The following SUSD1 variants were observed in gnomAD, a reference collection of about 807,000 sequenced individuals.
SUSD1 encodes the protein sushi domain containing 1.
SUSD1 carries 65 observed loss-of-function variants against 86.9 expected under a neutral mutation model. That is an observed-to-expected ratio of 0.75 (90% CI 0.61 to 0.92). The LOEUF (loss-of-function observed/expected upper bound fraction) is 0.92. Ranked by LOEUF, SUSD1 falls within the 40% of genes least tolerant of loss-of-function variation. The pLI, the probability that SUSD1 is intolerant of heterozygous loss-of-function variation, is 0.00. For missense variants in SUSD1, 850 were observed against 929.7 expected (o/e 0.91, Z 1.11); for synonymous variants, 346 against 350.0 (o/e 0.99, Z 0.13).
At position 112,075,602 on chromosome 9, in the gene SUSD1, A is replaced by G. The variant is rs1450229996; in HGVS notation, c.1753+2936T>C. On this transcript the variant is annotated intron_variant, in intron 12 of 16. Coordinates refer to ENST00000374270, the MANE Select transcript of SUSD1 (RefSeq NM_022486.5). Reference sequence around the variant, plus strand: ...AAAAAAATCCCTTTTGTAATTAGCCAGGCATGGTGGTGAGCGCCTATAGTC... The same window carrying G: ...AAAAAAATCCCTTTTGTAATTAGCCGGGCATGGTGGTGAGCGCCTATAGTC... 2.0e-5 allele frequency among the ~76,000 whole-genome samples: 3 copies of G among 152,012 alleles called. No individual in the cohort carries two copies. In the South Asian group the frequency reaches 6.2e-4, roughly 32 times the overall value.
At chr9:112,102,341 C>G in intron 8 of SUSD1, 56 bp from the exon 9 acceptor site, 2 of 876,260 alleles carry the variant, frequency 2.3e-6, no homozygotes, top group Non-Finnish European at 3.5e-6. Context: ...CAAAATGCAT[C>G]ATGGCTGAGT....
At chr9:112,134,140 G>A (rs566660985) in intron 5 of SUSD1, among the ~76,000 whole-genome samples, 1 of 152,316 alleles carries the variant, frequency 6.6e-6, no homozygotes, top group African/African-American at 2.4e-5. Context: ...TTCAGCCACT[G>A]TGGAAAGTAA....
intron 12 of SUSD1, among the ~76,000 whole-genome samples, chr9:112,069,480 A>T (rs1829154554): frequency 6.6e-6 from 1 of 152,196 alleles, no homozygotes; most frequent in African/African-American, 2.4e-5. Flanking sequence ...AGAGAGGAAA[A>T]GCCCACACAT....
intron 3 of SUSD1, among the ~76,000 whole-genome samples, chr9:112,148,256 A>G (rs948639875): frequency 2.0e-5 from 3 of 152,160 alleles, no homozygotes; most frequent in Non-Finnish European, 2.9e-5. Flanking sequence ...AAAGCCAGAG[A>G]GCAACATTAA....
chr9:112,042,131 A>G (rs1827768425), intron 15 of SUSD1, 171 bp from the exon 16 acceptor site: 3 of 1,539,958 alleles, frequency 1.9e-6, no homozygotes, highest in Non-Finnish European at 2.6e-6. Context: ...CCCTGTGGAT[A>G]TGCAGCCTCA....
At chr9:112,104,002 C>T (rs567970647) in intron 8 of SUSD1, among the ~76,000 whole-genome samples, 2 of 152,154 alleles carry the variant, frequency 1.3e-5, no homozygotes, top group South Asian at 2.1e-4. Flanking sequence ...AATGCTTCAA[C>T]GTCTGTATTT....
Position 112,119,551 on chromosome 9 carries a change from C to A in SUSD1, c.886+4706G>T, listed in dbSNP as rs2762473. On this transcript the variant is annotated intron_variant, in intron 6 of 16. Coordinates refer to ENST00000374270, the MANE Select transcript of SUSD1 (RefSeq NM_022486.5). ...AGCAGAGATGTTACCCTTCTGAGAG[C>A]GTGGAGTGAGTGAGCGTCAGCCTTA... Among the ~76,000 whole-genome samples, 32 of 152,206 alleles carry A rather than the reference C, an allele frequency of 2.1e-4. No homozygotes were observed. In the East Asian group the frequency reaches 5.2e-3, roughly 25 times the overall value.
chr9:112,109,912 T>C (rs1305646071), intron 8 of SUSD1, among the ~76,000 whole-genome samples: 1 of 152,236 alleles, frequency 6.6e-6, no homozygotes, highest in Non-Finnish European at 1.5e-5. Flanking sequence ...ATTTGTATAA[T>C]CTCATAGTTG....
chr9:112,065,741 T>C (rs1589601267), intron 12 of SUSD1, among the ~76,000 whole-genome samples: 1 of 152,292 alleles, frequency 6.6e-6, no homozygotes, highest in East Asian at 1.9e-4. Flanking sequence ...CACTTATACC[T>C]CCAGCAGCCT....
At chr9:112,165,941 AG>A (rs1428704780) in intron 1 of SUSD1, among the ~76,000 whole-genome samples, 1 of 75,938 alleles carries the variant, frequency 1.3e-5, no homozygotes, top group African/African-American at 4.9e-5. Context: ...AAAGAAAGAA[AG>A]AAGAAAGAAA....
chr9:112,132,096 T>C (rs1832058609), intron 5 of SUSD1, among the ~76,000 whole-genome samples: 1 of 152,244 alleles, frequency 6.6e-6, no homozygotes, highest in Non-Finnish European at 1.5e-5. Flanking sequence ...ACAGGCAACT[T>C]ACGGCATCTA....
intron 6 of SUSD1, among the ~76,000 whole-genome samples, chr9:112,117,528 A>G (rs1428018005): frequency 6.6e-6 from 1 of 152,200 alleles, no homozygotes; most frequent in Non-Finnish European, 1.5e-5. Flanking sequence ...GTGTGTGTGT[A>G]CACACAGGTA....
intron 15 of SUSD1, among the ~76,000 whole-genome samples, chr9:112,043,397 A>C (rs1827825277): frequency 6.6e-6 from 1 of 152,156 alleles, no homozygotes; most frequent in Non-Finnish European, 1.5e-5. Context: ...TCAGTGCAAG[A>C]GGACAGCTTC....
rs746946192 is a variant in SUSD1, at chr9:112,051,408, CTTTTTT to C, written c.2149+985_2149+990del. On this transcript the variant is annotated intron_variant, in intron 15 of 16. Coordinates refer to ENST00000374270, the MANE Select transcript of SUSD1 (RefSeq NM_022486.5). Reference sequence around the variant, plus strand: ...TGTTAAGGGAAGAAGTTTTTCTTTTCTTTTTTTTTTTTTTTTTTTTTTTTTGTTGTT... The same window carrying C: ...TGTTAAGGGAAGAAGTTTTTCTTTTCTTTTTTTTTTTTTTTTTTTGTTGTT... Among the ~76,000 whole-genome samples the C allele has an allele frequency of 4.8e-4, 37 of 77,034 alleles. No homozygotes were observed. The South Asian group carries it at 5.1e-3, about 11-fold the overall frequency. The allele number at this position is 77,034 out of a possible 152,430, so 50.5% of individuals were successfully genotyped here.
intron 3 of SUSD1, among the ~76,000 whole-genome samples, chr9:112,147,098 G>C (rs1832837014): frequency 6.6e-6 from 1 of 152,170 alleles, no homozygotes; most frequent in African/African-American, 2.4e-5. Context: ...TCACAGCCAA[G>C]ATAAGTGACC....
chr9:112,087,303 T>G (rs916892342), intron 10 of SUSD1, among the ~76,000 whole-genome samples: 1 of 152,182 alleles, frequency 6.6e-6, no homozygotes. Flanking sequence ...TGCCTCAGCC[T>G]CCTGAGTAGC....
At chr9:112,148,310 TA>T (rs909378883) in intron 3 of SUSD1, among the ~76,000 whole-genome samples, 2 of 152,070 alleles carry the variant, frequency 1.3e-5, no homozygotes, top group Non-Finnish European at 2.9e-5. Flanking sequence ...GAGGAGCCGC[TA>T]AAAATTAGGA....
chr9:112,041,603 G>C (rs1242121220), intron 16 of SUSD1, 111 bp from the exon 17 acceptor site: 1 of 748,566 alleles, frequency 1.3e-6, no homozygotes, highest in East Asian at 2.5e-5. Context: ...AGGCGAGGGG[G>C]AGCAGCATGG....
chr9:112,040,980 A>G lies in SUSD1; in HGVS notation c.*512T>C, dbSNP rs1589560776. The G allele has an allele frequency of 6.0e-6, 1 of 165,868 alleles. No homozygotes were observed. The highest frequency in any genetic ancestry group is 1.3e-5 in the Non-Finnish European group (1 of 76,374). 10.3% of individuals were successfully genotyped at this position (165,868 alleles called of 1,614,324 possible). The stretch of plus-strand genomic sequence containing the variant: ...TCTAAAGTGCTTGAAACATTTGCCT[A>G]CGTCACTGTTCTCTTTTTCAATGAC... On this transcript the variant is annotated 3_prime_UTR_variant, in exon 17 of 17. Coordinates refer to ENST00000374270, the MANE Select transcript of SUSD1 (RefSeq NM_022486.5).
Sources: allele counts gnomAD v4.1 joint callset (sites outside exome capture counted in the v4.1 genomes callset), GRCh38; gene constraint gnomAD v4.1.1; transcripts MANE v1.5; gene names NCBI Gene and HGNC (gene_info 2026-07-23, HGNC 2026-07-21).